The following RTN4 variants were observed in gnomAD, a reference collection of about 807,000 sequenced individuals.
RTN4 encodes the protein reticulon-4.
In RTN4, 32 loss-of-function variants were observed where a neutral mutation model predicts 90.4. The ratio of observed to expected loss-of-function variants is 0.35; its 90% CI spans 0.27 to 0.48. The LOEUF (loss-of-function observed/expected upper bound fraction) is 0.48, where lower values mean the gene tolerates loss of function less well. Ranked by LOEUF, RTN4 falls within the 20% of genes least tolerant of loss-of-function variation. The pLI, the probability that RTN4 is intolerant of heterozygous loss-of-function variation, is 0.99. For synonymous variants in RTN4, 629 were observed against 552.5 expected (o/e 1.14, Z -1.94); for missense variants, 1,706 against 1,430.2 (o/e 1.19, Z -3.11).
chr2:55,055,940 T>C (rs1410640962), intron 2 of RTN4, among the ~76,000 whole-genome samples: 2 of 151,778 alleles, frequency 1.3e-5, no homozygotes, highest in Non-Finnish European at 2.9e-5. Context: ...TATATACATA[T>C]ATGTAGATGA....
intron 1 of RTN4, among the ~76,000 whole-genome samples, chr2:55,107,403 C>CAAAAAAA (rs35664699): frequency 3.0e-5 from 3 of 101,230 alleles, no homozygotes; most frequent in African/African-American, 4.0e-5. Context: ...GACTGAACCT[C>CAAAAAAA]AAAAAAAAAA....
chr2:55,111,336 C>T lies in RTN4; in HGVS notation c.-214+1184G>A, dbSNP rs1668035013. Among the ~76,000 whole-genome samples the T allele has an allele frequency of 2.0e-5, 3 of 152,246 alleles. No individual in the cohort carries two copies. The South Asian group carries it at 6.2e-4, about 32-fold the overall frequency. On this transcript the variant is annotated intron_variant, in intron 1 of 3. Transcript: ENST00000427710. The stretch of plus-strand genomic sequence containing the variant: ...ACCTTTTTCAGAGGCACCCTCAAAT[C>T]TTAGGCCCAAATAGATGGTGGTATC...
At chr2:55,071,256 A>G (rs946236058) in intron 2 of RTN4, among the ~76,000 whole-genome samples, 2 of 151,906 alleles carry the variant, frequency 1.3e-5, no homozygotes, top group Admixed American at 1.3e-4. Flanking sequence ...CCTGGGTCCT[A>G]TTACTACCTT....
intron 2 of RTN4, among the ~76,000 whole-genome samples, chr2:55,057,638 C>G (rs528310625): frequency 6.6e-6 from 1 of 152,232 alleles, no homozygotes; most frequent in East Asian, 1.9e-4. Flanking sequence ...ATTGAGCAAA[C>G]TATTTGGAAC....
intron 1 of RTN4, among the ~76,000 whole-genome samples, chr2:55,099,802 A>G (rs1028581798): frequency 2.0e-5 from 3 of 152,120 alleles, no homozygotes; most frequent in Admixed American, 1.3e-4. Context: ...GTAGCTAAAT[A>G]TGTAGAATCC....
the RTN4 span, among the ~76,000 whole-genome samples, chr2:55,134,227 AT>A: frequency 1.3e-4 from 20 of 152,038 alleles, no homozygotes; most frequent in African/African-American, 3.6e-4. Flanking sequence ...GTTTTGATTG[AT>A]TTTCACTTGC....
intron 5 of RTN4, among the ~76,000 whole-genome samples, chr2:54,976,367 GAGA>G (rs970509511): frequency 1.3e-5 from 2 of 152,162 alleles, no homozygotes; most frequent in African/African-American, 4.8e-5. Context: ...CCAAGACAAA[GAGA>G]AGAACACAGG....
upstream of RTN4, among the ~76,000 whole-genome samples, chr2:55,116,091 C>CTTT (rs5831339): frequency 3.1e-4 from 33 of 105,406 alleles, 1 homozygote; most frequent in South Asian, 1.0e-3. Flanking sequence ...GGGGACTAGT[C>CTTT]TTTTTTTTTT....
intron 3 of RTN4, among the ~76,000 whole-genome samples, chr2:54,993,063 G>T (rs1679139730): frequency 8.7e-6 from 1 of 115,558 alleles, no homozygotes; most frequent in Non-Finnish European, 1.6e-5. Context: ...AACAGAGCGA[G>T]ACTCCATCTC....
chr2:55,080,001 T>C (rs910838266), intron 2 of RTN4, among the ~76,000 whole-genome samples: 1 of 152,192 alleles, frequency 6.6e-6, no homozygotes, highest in Non-Finnish European at 1.5e-5. Flanking sequence ...TGTAAACATT[T>C]GCTAGCATTA....
In RTN4 at chr2:54,982,543, A is replaced by G. The variant is rs1306306683; in HGVS notation, c.3332T>C (p.Leu1111Ser). The G allele has an allele frequency of 6.2e-7, 1 of 1,612,698 alleles. No homozygotes were observed. The highest frequency in any genetic ancestry group is 8.5e-7 in the Non-Finnish European group (1 of 1,179,608). The change falls in exon 5 of 9, where the codon TTA (leucine) becomes TCA (serine). Residue 1111 changes from leucine (L) to serine (S), a missense_variant. By Grantham distance (145) the Leu-to-Ser change is moderately radical. Coordinates refer to ENST00000337526, the MANE Select transcript of RTN4 (RefSeq NM_020532.5). ...CAGAGAATCAACTAAATCATCAACT[A>G]AGAAGAGGCGCCTGAGTTCCTTTAT... is the stretch of plus-strand genomic sequence containing the variant. ...CTIKELRRLFLVDDLVDSLKF... is the reference protein window; with the variant it reads ...CTIKELRRLFSVDDLVDSLKF...
At chr2:55,095,360 T>C (rs1387229701) in intron 1 of RTN4, among the ~76,000 whole-genome samples, 1 of 152,098 alleles carries the variant, frequency 6.6e-6, no homozygotes, top group Non-Finnish European at 1.5e-5. Context: ...CCAAATATTA[T>C]TATGAGGTTA....
chr2:55,030,804 G>A (rs1682251285), intron 1 of RTN4, among the ~76,000 whole-genome samples: 1 of 152,130 alleles, frequency 6.6e-6, no homozygotes, highest in South Asian at 2.1e-4. Flanking sequence ...AGTGCAACTG[G>A]TGCAATCCTT....
chr2:55,001,947 C>T (rs1161909600), intron 3 of RTN4, among the ~76,000 whole-genome samples: 2 of 152,112 alleles, frequency 1.3e-5, no homozygotes, highest in East Asian at 1.9e-4. Flanking sequence ...ACCTTATGCA[C>T]GGCTGTGATT....
At chr2:54,984,150 G>C (rs377632148) in intron 4 of RTN4, among the ~76,000 whole-genome samples, 16 of 152,180 alleles carry the variant, frequency 1.1e-4, no homozygotes, top group African/African-American at 3.9e-4. Context: ...CATACATAGA[G>C]CCTTATCTGC....
At chr2:55,094,359 G>A (rs974295679) in intron 1 of RTN4, among the ~76,000 whole-genome samples, 1 of 152,190 alleles carries the variant, frequency 6.6e-6, no homozygotes, top group Non-Finnish European at 1.5e-5. Context: ...AGTCACCCAG[G>A]CTGTGCTATT....
the RTN4 span, among the ~76,000 whole-genome samples, chr2:55,127,551 C>T: frequency 6.6e-6 from 1 of 152,204 alleles, no homozygotes; most frequent in African/African-American, 2.4e-5. Flanking sequence ...CCATATTATA[C>T]TTCTTAGAGC....
At chr2:55,120,132 G>A in the RTN4 span, among the ~76,000 whole-genome samples, 1 of 152,250 alleles carries the variant, frequency 6.6e-6, no homozygotes, top group Non-Finnish European at 1.5e-5. Flanking sequence ...CCCAGGCCTT[G>A]CCTTGGCAGA....
At chr2:55,016,109 A>G (rs958103506) in intron 3 of RTN4, among the ~76,000 whole-genome samples, 1 of 152,220 alleles carries the variant, frequency 6.6e-6, no homozygotes, top group African/African-American at 2.4e-5. Context: ...CAACAATAGC[A>G]AAGTGACTGG....
Sources: allele counts gnomAD v4.1 joint callset (sites outside exome capture counted in the v4.1 genomes callset), GRCh38; gene constraint gnomAD v4.1.1; transcripts MANE v1.5; gene names NCBI Gene and HGNC (gene_info 2026-07-23, HGNC 2026-07-21).